PLEKHA6: variants seen among roughly 807,000 people sequenced by gnomAD.
The protein encoded by PLEKHA6 is pleckstrin homology domain containing A6.
PLEKHA6 carries 60 observed loss-of-function variants against 116.7 expected under a neutral mutation model. That is an observed-to-expected ratio of 0.51 (90% CI 0.42 to 0.64). PLEKHA6 has a LOEUF of 0.64. Among genes scored for constraint, PLEKHA6 ranks in the 30% least tolerant of loss-of-function variants. The pLI is 0.00. For synonymous variants in PLEKHA6, 489 were observed against 556.1 expected, an observed-to-expected ratio of 0.88 and a Z score of 1.70; for missense variants, 1,338 against 1,422.7, an observed-to-expected ratio of 0.94 and a Z score of 0.96.
At chr1:204,361,968 G>A (rs1412934029), upstream of PLEKHA6, among the ~76,000 whole-genome samples, 1 of 152,232 alleles carries the variant, frequency 6.6e-6, no homozygotes, top group East Asian at 1.9e-4. Context: ...CTGCTGGGCG[G>A]GTTTCCTCTC....
chr1:204,239,647 T>C (rs899261371), intron 17 of PLEKHA6, among the ~76,000 whole-genome samples: 3 of 152,192 alleles, frequency 2.0e-5, no homozygotes, highest in Non-Finnish European at 4.4e-5. Context: ...CTGGTCTTAC[T>C]ATGTTATCCA....
intron 6 of PLEKHA6, among the ~76,000 whole-genome samples, chr1:204,263,118 C>T (rs924012108): frequency 4.6e-5 from 7 of 152,250 alleles, no homozygotes; most frequent in Non-Finnish European, 7.4e-5. Flanking sequence ...CTGACAGTCA[C>T]GCTGGGGGAC....
intron 21 of PLEKHA6, among the ~76,000 whole-genome samples, chr1:204,224,045 T>C (rs1057334131): frequency 2.8e-4 from 42 of 152,122 alleles, no homozygotes; most frequent in Admixed American, 2.6e-3. Flanking sequence ...GTGACCACCA[T>C]GTTAATCAAT....
At position 204,296,879 on chromosome 1, in the gene PLEKHA6, G is replaced by A. The variant is rs373588449; in HGVS notation, c.-94-22070C>T. On this transcript the variant is annotated intron_variant, in intron 1 of 22. Transcript: ENST00000272203. ...CCTCAGTACTCTGTGTCTGCAGAGA[G>A]CGTGGACGGAAATGAGAGGTTTGAG... Among the ~76,000 whole-genome samples the A allele has an allele frequency of 1.8e-4, 28 of 152,344 alleles. No homozygotes were observed. In the East Asian group the frequency reaches 4.2e-3, roughly 23 times the overall value.
chr1:204,319,470 C>T (rs1326767632), intron 1 of PLEKHA6, among the ~76,000 whole-genome samples: 1 of 151,992 alleles, frequency 6.6e-6, no homozygotes, highest in Admixed American at 6.5e-5. Flanking sequence ...TACTCATTGT[C>T]ACAACTGTGT....
chr1:204,331,199 CAA>C (rs5780231), intron 1 of PLEKHA6, among the ~76,000 whole-genome samples: 206 of 75,788 alleles, frequency 2.7e-3, no homozygotes, highest in South Asian at 0.019. Context: ...GACTCTGTCT[CAA>C]AAAAAAAAAA....
At chr1:204,291,211 A>G (rs1324413225) in intron 1 of PLEKHA6, among the ~76,000 whole-genome samples, 2 of 152,214 alleles carry the variant, frequency 1.3e-5, no homozygotes, top group Non-Finnish European at 2.9e-5. Context: ...GCAAATTGAA[A>G]CTACTATGAG....
At chr1:204,371,452 G>A (rs1673777498) in intron 2 of PLEKHA6, 2 of 152,252 alleles carry the variant, frequency 1.3e-5, no homozygotes, top group South Asian at 4.1e-4. Flanking sequence ...AGCAAAGTTG[G>A]GGCACAGGAT....
rs765122476 is a variant in PLEKHA6 at position 204,257,817 on chromosome 1, A to G, written c.1060T>C (p.Tyr354His). 1.4e-5 allele frequency: 23 copies of G among 1,613,852 alleles called. No homozygotes were observed. The highest frequency in any genetic ancestry group is 1.2e-5 in the Non-Finnish European group (14 of 1,179,944). ...SRRVPEYYGP[Y>H]SSQYPDDYQY... Reference sequence around the variant, plus strand: ...TAATCATCGGGGTACTGGGAGGAGTAGGGGCCATAGTACTCAGGGACCCTG... The same window carrying G: ...TAATCATCGGGGTACTGGGAGGAGTGGGGGCCATAGTACTCAGGGACCCTG... Residue 354 changes from tyrosine to histidine, a missense_variant, in exon 9 of 23, where the codon TAC (tyrosine) becomes CAC (histidine). Physicochemically the swap from Tyr to His is moderately conservative, Grantham distance 83 (BLOSUM62 2). Around this residue, in one of 3 missense-constraint regions of PLEKHA6, gnomAD observed 1,136 missense variants for 1,163.6 expected, o/e 0.98. Transcript: ENST00000272203. The surrounding 1 kb of genome is among the most constrained non-coding windows in gnomAD (Gnocchi z 6.5).
intron 1 of PLEKHA6, among the ~76,000 whole-genome samples, chr1:204,331,857 C>T (rs185088680): frequency 6.6e-6 from 1 of 151,094 alleles, no homozygotes; most frequent in African/African-American, 2.4e-5. Flanking sequence ...CCTAGAGTCA[C>T]CCAGCCGTCC....
At chr1:204,232,534 G>A (rs1019706349) in intron 17 of PLEKHA6, among the ~76,000 whole-genome samples, 8 of 152,066 alleles carry the variant, frequency 5.3e-5, no homozygotes, top group Admixed American at 2.0e-4. Flanking sequence ...ATACAAAGGG[G>A]GTCTACAAAG....
intron 1 of PLEKHA6, among the ~76,000 whole-genome samples, chr1:204,347,818 G>A (rs1673119979): frequency 6.6e-6 from 1 of 152,024 alleles, no homozygotes; most frequent in South Asian, 2.1e-4. Flanking sequence ...ATATTGAGTG[G>A]GTAGATGGCA....
intron 12 of PLEKHA6, 30 bp downstream of exon 12, chr1:204,248,791 G>A (rs1664134155): frequency 1.2e-6 from 2 of 1,605,332 alleles, no homozygotes; most frequent in Non-Finnish European, 1.7e-6. Flanking sequence ...CTGATGAGGT[G>A]GGGTGCACGA....
chr1:204,250,483 C>T lies in PLEKHA6; in HGVS notation c.1593+63G>A. Reference sequence around the variant, plus strand: ...AAGAGAGATGGATGGAGAGACAGCCCCCCGCAGAGGACAGCAGCAGGAGGC... The same window carrying T: ...AAGAGAGATGGATGGAGAGACAGCCTCCCGCAGAGGACAGCAGCAGGAGGC... On this transcript the variant is annotated intron_variant, in intron 10 of 22. Coordinates refer to ENST00000272203, the MANE Select transcript of PLEKHA6 (RefSeq NM_014935.5). 3 of 1,103,030 alleles carry T rather than the reference C, an allele frequency of 2.7e-6. No homozygotes were observed. In the South Asian group the frequency reaches 3.8e-5, roughly 14 times the overall value. The allele number at this position is 1,103,030 out of a possible 1,614,324, so 68.3% of individuals were successfully genotyped here. A position where few individuals can be genotyped will look rare whatever the true frequency, so the allele number is the denominator to read the frequency against.
intron 1 of PLEKHA6, chr1:204,313,714 C>T: frequency 1.0e-6 from 1 of 985,238 alleles, no homozygotes; most frequent in Non-Finnish European, 1.2e-6. Context: ...CAGCTAACCA[C>T]CTTTCTATCT....
At chr1:204,248,155 CT>C (rs34335278) in intron 12 of PLEKHA6, among the ~76,000 whole-genome samples, 2,283 of 95,138 alleles carry the variant, frequency 0.024, 44 homozygotes, top group African/African-American at 0.089. Context: ...GGGCAGCAGC[CT>C]TTTTTTTTTT....
chr1:204,360,204 G>C (rs1405852786), upstream of PLEKHA6, among the ~76,000 whole-genome samples: 1 of 152,008 alleles, frequency 6.6e-6, no homozygotes, highest in East Asian at 1.9e-4. Flanking sequence ...CATTTTTAGA[G>C]TCCCCCACAA....
At position 204,245,607 on chromosome 1, in the gene PLEKHA6, G is replaced by GCA. The variant is rs1285010625; in HGVS notation, c.2032+6_2032+7dup. 6.4e-7 allele frequency: 1 copy of GCA among 1,559,722 alleles called. No individual in the cohort carries two copies. The highest frequency in any genetic ancestry group is 1.4e-5 in the African/African-American group (1 of 74,026). On this transcript the variant is annotated splice_region_variant and intron_variant, in intron 14 of 22. Transcript: ENST00000272203. Reference sequence around the variant, plus strand: ...GCAGCCTAGGAGGCTGGCACAGGAGGCACCCACCTCTGTGCTTGGCGGTGT... The same window carrying GCA: ...GCAGCCTAGGAGGCTGGCACAGGAGGCACACCCACCTCTGTGCTTGGCGGTGT...
At chr1:204,345,680 C>G (rs925542609) in intron 1 of PLEKHA6, among the ~76,000 whole-genome samples, 1 of 26,300 alleles carries the variant, frequency 3.8e-5, no homozygotes, top group Non-Finnish European at 1.1e-4. Context: ...TCAAGCATTT[C>G]CCTGAAAGAA....
Sources: allele counts gnomAD v4.1 joint callset (sites outside exome capture counted in the v4.1 genomes callset), GRCh38; gene constraint gnomAD v4.1.1; regional missense constraint gnomAD v4.1.1; non-coding constraint Gnocchi (gnomAD v3.1); transcripts MANE v1.5; gene names NCBI Gene and HGNC (gene_info 2026-07-23, HGNC 2026-07-21).